The following PPHLN1 variants were observed in gnomAD, a reference collection of about 807,000 sequenced individuals.
PPHLN1 encodes periphilin-1.
A neutral mutation model predicts 51.3 loss-of-function variants in PPHLN1; 29 were observed. The ratio of observed to expected loss-of-function variants is 0.57; its 90% CI spans 0.42 to 0.77. The LOEUF is 0.77. PPHLN1 is among the 30% of genes least tolerant of loss of function. PPHLN1 has a pLI of 0.00. For missense variants in PPHLN1, 436 were observed against 438.4 expected (o/e 0.99, Z 0.05); for synonymous variants, 147 against 147.8 (o/e 0.99, Z 0.04).
chr12:42,370,249 A>G (rs949515414), intron 4 of PPHLN1, among the ~76,000 whole-genome samples: 3 of 152,218 alleles, frequency 2.0e-5, no homozygotes, highest in Admixed American at 6.5e-5. Flanking sequence ...GATGCCCATG[A>G]ATTTGCATTT....
At chr12:42,432,941 T>C (rs2082165727) in intron 9 of PPHLN1, 2 of 1,369,146 alleles carry the variant, frequency 1.5e-6, no homozygotes, top group East Asian at 4.6e-5. Context: ...CTGTGTTGTT[T>C]CTGGATGGTA....
downstream of PPHLN1, chr12:42,442,631 GCT>G: frequency 6.2e-7 from 1 of 1,613,580 alleles, no homozygotes; most frequent in Admixed American, 1.7e-5. Flanking sequence ...TCATCCGGTC[GCT>G]CGGCCAGAGT....
chr12:42,399,208 C>T (rs2078567684), intron 9 of PPHLN1: 3 of 1,187,334 alleles, frequency 2.5e-6, no homozygotes, highest in South Asian at 3.2e-5. Context: ...AAAAAACAGA[C>T]TTCTTTTTTA....
At chr12:42,359,547 C>T (rs547169831) in intron 4 of PPHLN1, 1 of 152,314 alleles carries the variant, frequency 6.6e-6, no homozygotes, top group South Asian at 2.1e-4. Flanking sequence ...GTAGCTATAG[C>T]TTTTACTGCC....
Position 42,384,970 on chromosome 12 carries a change from G to A in PPHLN1, c.542G>A (p.Arg181Gln), listed in dbSNP as rs528003463. Reference protein sequence around the residue: ...KSVRPGASYKRQNEGNPERDK... With the variant: ...KSVRPGASYKQQNEGNPERDK... ...GTGCGTCCTGGTGCCTCCTACAAAC[G>A]GCAGAATGAAGGAAATCCTGAAAGA... is the stretch of plus-strand genomic sequence containing the variant. Residue 181 changes from arginine to glutamine, a missense_variant, in exon 6 of 10, where the codon CGG (arginine) becomes CAG (glutamine). Physicochemically the swap from Arg to Gln is conservative, Grantham distance 43. Transcript: ENST00000358314. The A allele has an allele frequency of 2.2e-5, 36 of 1,612,354 alleles. No individual in the cohort carries two copies. Among genetic ancestry groups the A allele is most frequent in the Middle Eastern group, 3.3e-4 (2 of 6,060 alleles).
At chr12:42,414,957 A>G (rs1171679046) in intron 9 of PPHLN1, among the ~76,000 whole-genome samples, 2 of 152,182 alleles carry the variant, frequency 1.3e-5, no homozygotes, top group Non-Finnish European at 2.9e-5. Flanking sequence ...TAATTTTAAT[A>G]TTAAGGTGTC....
At chr12:42,360,115 A>AAC (rs1240313290) in intron 4 of PPHLN1, among the ~76,000 whole-genome samples, 1 of 151,268 alleles carries the variant, frequency 6.6e-6, no homozygotes, top group African/African-American at 2.4e-5. Flanking sequence ...CATCTCAAAA[A>AAC]AAAAAAAAGA....
At chr12:42,391,310 C>T (rs765605348) in intron 7 of PPHLN1, among the ~76,000 whole-genome samples, 5 of 152,186 alleles carry the variant, frequency 3.3e-5, no homozygotes, top group Non-Finnish European at 7.4e-5. Flanking sequence ...ATAATCTCGG[C>T]TCACTGCAAC....
chr12:42,429,511 C>T (rs998021596), intron 9 of PPHLN1, among the ~76,000 whole-genome samples: 1 of 152,236 alleles, frequency 6.6e-6, no homozygotes, highest in African/African-American at 2.4e-5. Context: ...TTCACGCTGT[C>T]TTAGTGCTCC....
chr12:42,390,929 G>T (rs369361003), intron 7 of PPHLN1, among the ~76,000 whole-genome samples: 26 of 149,346 alleles, frequency 1.7e-4, no homozygotes, highest in African/African-American at 6.4e-4. Flanking sequence ...GCCTCCTAAA[G>T]TGCTGTGATT....
At chr12:42,390,734 G>GACAATTCTA (rs1401574003) in intron 7 of PPHLN1, among the ~76,000 whole-genome samples, 2 of 148,342 alleles carry the variant, frequency 1.3e-5, no homozygotes, top group African/African-American at 2.5e-5. Flanking sequence ...TGTGGTCCAA[G>GACAATTCTA]ACAATTCTAA....
At chr12:42,381,592 C>A (rs17091138) in intron 5 of PPHLN1, among the ~76,000 whole-genome samples, 1 of 152,068 alleles carries the variant, frequency 6.6e-6, no homozygotes, top group East Asian at 1.9e-4. Context: ...CTCTGCCCCT[C>A]TACCTGTTTC....
Position 42,352,015 on chromosome 12 carries a change from C to G in PPHLN1, c.203C>G (p.Ser68Cys). The G allele has an allele frequency of 6.5e-7, 1 of 1,545,648 alleles. No individual in the cohort carries two copies. The highest frequency in any genetic ancestry group is 8.7e-7 in the Non-Finnish European group (1 of 1,152,834). The change falls in exon 3 of 10, where the codon TCT (serine) becomes TGT (cysteine). Residue 68 changes from serine (S) to cysteine (C), a missense_variant. Ser to Cys is a moderately radical substitution (Grantham distance 112, BLOSUM62 -1). Coordinates refer to ENST00000358314, the MANE Select transcript of PPHLN1 (RefSeq NM_201439.2). ...YRDYDEGRSFSHDRRSGPPHR... is the reference protein window; with the variant it reads ...YRDYDEGRSFCHDRRSGPPHR... The stretch of plus-strand genomic sequence containing the variant: ...GACTATGACGAGGGCCGCAGTTTTT[C>G]TCATGATCGAAGAAGTGGTCCACCT...
intron 3 of PPHLN1, among the ~76,000 whole-genome samples, chr12:42,352,888 A>G (rs1846475101): frequency 6.6e-6 from 1 of 151,354 alleles, no homozygotes; most frequent in Non-Finnish European, 1.5e-5. Context: ...CAGGAGGTCG[A>G]GACCAGTCTG....
At chr12:42,375,197 A>G (rs374544506) in intron 5 of PPHLN1, 123 bp downstream of exon 5, 2 of 779,112 alleles carry the variant, frequency 2.6e-6, no homozygotes, top group South Asian at 2.2e-5. Flanking sequence ...AAAAATTTCA[A>G]ACTTACAGAA....
At chr12:42,402,304 T>G (rs1669902) in intron 9 of PPHLN1, among the ~76,000 whole-genome samples, 42,678 of 152,260 alleles carry the variant, frequency 0.28, 7,357 homozygotes, top group Non-Finnish European at 0.38. Flanking sequence ...CTATGCCAGC[T>G]TTGTTATGTG....
chr12:42,434,678 GTTTC>G (rs1382718941), intron 9 of PPHLN1, among the ~76,000 whole-genome samples: 5 of 152,092 alleles, frequency 3.3e-5, no homozygotes, highest in Admixed American at 2.0e-4. Flanking sequence ...ATAAATTACT[GTTTC>G]TTTATGTTTT....
chr12:42,372,115 C>CTA (rs1161986680), intron 4 of PPHLN1, among the ~76,000 whole-genome samples: 6 of 152,162 alleles, frequency 3.9e-5, no homozygotes, highest in Middle Eastern at 3.4e-3. Context: ...ATGGTGGACA[C>CTA]TATATACATT....
intron 7 of PPHLN1, among the ~76,000 whole-genome samples, chr12:42,389,515 A>G (rs1398111438): frequency 2.0e-5 from 3 of 152,102 alleles, no homozygotes; most frequent in African/African-American, 7.2e-5. Context: ...AGCTGAGATC[A>G]CGCCACTGCA....
Sources: allele counts gnomAD v4.1 joint callset (sites outside exome capture counted in the v4.1 genomes callset), GRCh38; gene constraint gnomAD v4.1.1; transcripts MANE v1.5; gene names NCBI Gene and HGNC (gene_info 2026-07-23, HGNC 2026-07-21).